Variants in MYH11 observed in about 807,000 individuals in gnomAD.
The protein encoded by MYH11 is myosin-11.
In MYH11, 80 loss-of-function variants were observed where a neutral mutation model predicts 246.6. That is an observed-to-expected ratio of 0.32 (90% CI 0.27 to 0.39). MYH11 has a LOEUF of 0.39. Among genes scored for constraint, MYH11 ranks in the 10% least tolerant of loss-of-function variants. MYH11 has a pLI of 1.00. For synonymous variants in MYH11, 1,071 were observed against 1,015.5 expected (o/e 1.05, Z -1.04); for missense variants, 2,158 against 2,546.8 (o/e 0.85, Z 3.29).
At position 15,740,092 on chromosome 16, in the gene MYH11, C is replaced by T. The variant is rs1167460119; in HGVS notation, c.2956G>A (p.Glu986Lys). The T allele has an allele frequency of 6.2e-7, 1 of 1,614,130 alleles. No homozygotes were observed. The highest frequency in any genetic ancestry group is 8.5e-7 in the Non-Finnish European group (1 of 1,180,056). ...TTCTGATCATCCATGACCAGGATCTCATCCTCCAGTTTCTTGATCTTGGCC... is the reference window on the plus strand; with the variant it reads ...TTCTGATCATCCATGACCAGGATCTTATCCTCCAGTTTCTTGATCTTGGCC... The part of the protein sequence containing the change: ...AEAKIKKLED[E>K]ILVMDDQNNK... Residue 986 changes from glutamate to lysine, a missense_variant, in exon 23 of 41, where the codon GAG becomes AAG. Physicochemically the swap from Glu to Lys is moderately conservative, Grantham distance 56 (BLOSUM62 1). This residue lies in a region of MYH11 where 284 missense variants were observed against 315.4 expected (regional missense o/e 0.90). Transcript: ENST00000300036.
chr16:15,791,803 A>T (rs1447753104), intron 4 of MYH11: 1 of 151,384 alleles, frequency 6.6e-6, no homozygotes, highest in Non-Finnish European at 1.5e-5. Flanking sequence ...TCTCCCAGGT[A>T]GCTGGGACTA....
At chr16:15,739,092 CA>C (rs2041200887) in intron 23 of MYH11, among the ~76,000 whole-genome samples, 2 of 151,750 alleles carry the variant, frequency 1.3e-5, no homozygotes, top group African/African-American at 4.8e-5. Flanking sequence ...CTCTATCCCC[CA>C]CTGCTGTATT....
At chr16:15,796,128 G>C (rs1269573244) in intron 4 of MYH11, among the ~76,000 whole-genome samples, 1 of 152,138 alleles carries the variant, frequency 6.6e-6, no homozygotes, top group African/African-American at 2.4e-5. Context: ...TCAGAGGAAT[G>C]GACAGAGATG....
chr16:15,759,697 G>C lies in MYH11; in HGVS notation c.1280C>G (p.Ala427Gly). 1 of 1,614,180 alleles carries C rather than the reference G, an allele frequency of 6.2e-7. No homozygotes were observed. The highest frequency in any genetic ancestry group is 8.5e-7 in the Non-Finnish European group (1 of 1,180,032). Residue 427 changes from alanine (A) to glycine (G), a missense_variant, in exon 12 of 41, where the codon GCA becomes GGA. Physicochemically the swap from Ala to Gly is moderately conservative, Grantham distance 60. Coordinates refer to ENST00000300036, the MANE Select transcript of MYH11 (RefSeq NM_002474.3). Reference sequence around the variant, plus strand: ...CCAGCGGAAAAGGCGCTCATATGTTGCCTTGGCCAAAGCCTCTACAGCAAA... The same window carrying C: ...CCAGCGGAAAAGGCGCTCATATGTTCCCTTGGCCAAAGCCTCTACAGCAAA... ...ADFAVEALAK[A>G]TYERLFRWIL...
intron 1 of MYH11, among the ~76,000 whole-genome samples, chr16:15,847,541 G>T (rs916486074): frequency 1.3e-5 from 2 of 152,134 alleles, no homozygotes; most frequent in African/African-American, 4.8e-5. Flanking sequence ...GGCATGAGCC[G>T]CTGTGCCCAG....
intron 2 of MYH11, among the ~76,000 whole-genome samples, chr16:15,830,043 G>A (rs1347566835): frequency 1.3e-5 from 2 of 152,078 alleles, no homozygotes; most frequent in African/African-American, 4.8e-5. Flanking sequence ...GCTGAGGCAG[G>A]AGAACTGCTT....
chr16:15,711,436 A>T (rs1015196333), intron 40 of MYH11, among the ~76,000 whole-genome samples: 4 of 152,228 alleles, frequency 2.6e-5, no homozygotes, highest in Admixed American at 6.5e-5. Flanking sequence ...ATAGCTAGAT[A>T]TTGAACTTGA....
intron 4 of MYH11, among the ~76,000 whole-genome samples, chr16:15,796,606 G>T (rs1384078309): frequency 6.6e-6 from 1 of 152,176 alleles, no homozygotes; most frequent in African/African-American, 2.4e-5. Flanking sequence ...GTGGCTAGCT[G>T]AAAAACAGCC....
At chr16:15,830,628 A>G (rs1347244068) in intron 2 of MYH11, among the ~76,000 whole-genome samples, 1 of 152,118 alleles carries the variant, frequency 6.6e-6, no homozygotes, top group Non-Finnish European at 1.5e-5. Context: ...CTGTAATTGT[A>G]GCACTTTGGG....
intron 32 of MYH11, 132 bp downstream of exon 32, chr16:15,721,289 CA>C: frequency 4.3e-6 from 5 of 1,156,070 alleles, no homozygotes; most frequent in Non-Finnish European, 6.3e-6. Context: ...TGCACCAGTC[CA>C]AAAACCTCCT....
chr16:15,796,874 G>A, intron 4 of MYH11, among the ~76,000 whole-genome samples: 1 of 152,184 alleles, frequency 6.6e-6, no homozygotes. Flanking sequence ...TCGGCAGGTT[G>A]TTTTAGCATT....
intron 10 of MYH11, among the ~76,000 whole-genome samples, chr16:15,763,226 A>G (rs991835717): frequency 1.3e-5 from 2 of 152,194 alleles, no homozygotes; most frequent in African/African-American, 4.8e-5. Context: ...TCTCAGGGCA[A>G]TTGAGGTCTG....
Position 15,747,729 on chromosome 16 carries a change from A to G in MYH11, c.2252T>C (p.Ile751Thr). ...MDGKQACILM[I>T]KALELDPNLY... ...GTTGGGGTCAAGTTCCAGGGCTTTG[A>G]TCTGCAAAAGGAAGGAAAGGAAGAG... Residue 751 changes from isoleucine to threonine, a missense_variant and splice_region_variant, in exon 19 of 41, where the codon ATC (isoleucine) becomes ACC (threonine). This residue lies in a region of MYH11 where 56 missense variants were observed against 47.2 expected (regional missense o/e 1.19). Transcript: ENST00000300036. The G allele has an allele frequency of 6.2e-7, 1 of 1,613,908 alleles. No homozygotes were observed. The highest frequency in any genetic ancestry group is 8.5e-7 in the Non-Finnish European group (1 of 1,179,970).
chr16:15,760,146 A>T (rs1353269107), intron 11 of MYH11, among the ~76,000 whole-genome samples: 2 of 152,136 alleles, frequency 1.3e-5, no homozygotes, highest in Non-Finnish European at 2.9e-5. Context: ...GACTGTGAAT[A>T]TTCTAGTATT....
At chr16:15,814,578 AAAAAAAG>A (rs1158937833) in intron 3 of MYH11, among the ~76,000 whole-genome samples, 28 of 114,162 alleles carry the variant, frequency 2.5e-4, no homozygotes, top group African/African-American at 9.1e-4. Flanking sequence ...AAAAAAAAAA[AAAAAAAG>A]GTACCAAGAA....
At chr16:15,732,030 C>G (rs547213800) in intron 27 of MYH11, among the ~76,000 whole-genome samples, 1 of 151,722 alleles carries the variant, frequency 6.6e-6, no homozygotes, top group African/African-American at 2.4e-5. Flanking sequence ...GGCATGATCT[C>G]TGCTCACTGC....
intron 3 of MYH11, among the ~76,000 whole-genome samples, chr16:15,820,190 A>C (rs1272399787): frequency 6.6e-6 from 1 of 152,144 alleles, no homozygotes; most frequent in African/African-American, 2.4e-5. Flanking sequence ...TAAAAATACA[A>C]AATTAGCCTG....
rs757602048 is a variant in MYH11 at position 15,747,588 on chromosome 16, C to T, written c.2393G>A (p.Arg798His). The T allele has an allele frequency of 2.4e-5, 38 of 1,613,962 alleles. No homozygotes were observed. The East Asian group carries it at 6.2e-4, about 26-fold the overall frequency. ...TCTTTACTTTCTGGCCAAGTAGCCA[C>T]GACACATCGCCTGGAAGGCCATGAT... ...DVIMAFQAMC[R>H]GYLARKAFAK... is the part of the protein sequence containing the mutation. Residue 798 changes from arginine (R) to histidine (H), a missense_variant, in exon 19 of 41, where the codon CGT becomes CAT. By Grantham distance (29) the Arg-to-His change is conservative. Around this residue, in one of 11 missense-constraint regions of MYH11, gnomAD observed 90 missense variants for 144.2 expected, o/e 0.62. Transcript: ENST00000300036.
intron 3 of MYH11, among the ~76,000 whole-genome samples, chr16:15,818,119 G>C (rs1438542767): frequency 6.6e-6 from 1 of 152,146 alleles, no homozygotes; most frequent in Non-Finnish European, 1.5e-5. Flanking sequence ...CTTATATTCA[G>C]TGCATGTGTG....
Sources: gnomAD v4.1 joint callset for allele counts (sites outside exome capture counted in the v4.1 genomes callset) on GRCh38, gnomAD v4.1.1 for gene constraint, gnomAD v4.1.1 regional missense constraint, MANE v1.5 for transcripts, NCBI Gene and HGNC (gene_info 2026-07-23, HGNC 2026-07-21) for gene names.